SH2D4B: variants seen among roughly 807,000 people sequenced by gnomAD.
SH2D4B encodes the protein SH2 domain containing 4B.
A neutral mutation model predicts 61.5 loss-of-function variants in SH2D4B; 45 were observed. The ratio of observed to expected loss-of-function variants is 0.73; its 90% confidence interval spans 0.58 to 0.94. The LOEUF (loss-of-function observed/expected upper bound fraction) is 0.94, where lower values mean the gene tolerates loss of function less well. Among genes scored for constraint, SH2D4B ranks in the 40% least tolerant of loss-of-function variants. SH2D4B has a pLI of 0.00. For synonymous variants in SH2D4B, 224 were observed against 220.4 expected (o/e 1.02, Z -0.14); for missense variants, 572 against 574.2 (o/e 1.00, Z 0.04).
chr10:80,643,891 G>A (rs1564533715), intron 7 of SH2D4B, 102 bp from the exon 8 acceptor site: 1 of 658,054 alleles, frequency 1.5e-6, no homozygotes, highest in Non-Finnish European at 2.4e-6. Flanking sequence ...GGAGACAAAT[G>A]CATATTCTTA....
intron 1 of SH2D4B, among the ~76,000 whole-genome samples, chr10:80,549,621 C>G (rs1390607713): frequency 6.6e-6 from 1 of 152,240 alleles, no homozygotes; most frequent in Non-Finnish European, 1.5e-5. Context: ...GTCCACCCGG[C>G]GTGCACAGCA....
At chr10:80,637,964 G>A (rs540355298) in intron 7 of SH2D4B, among the ~76,000 whole-genome samples, 24 of 152,172 alleles carry the variant, frequency 1.6e-4, no homozygotes, top group Admixed American at 1.5e-3. Flanking sequence ...TGTTCCATCA[G>A]TACCTAGTTT....
intron 6 of SH2D4B, among the ~76,000 whole-genome samples, chr10:80,614,722 G>T (rs1842640701): frequency 6.6e-6 from 1 of 152,176 alleles, no homozygotes; most frequent in Admixed American, 6.5e-5. Flanking sequence ...TGCTGATATT[G>T]CTCCAGGGCC....
At chr10:80,611,091 C>T (rs555829332) in intron 6 of SH2D4B, among the ~76,000 whole-genome samples, 154 of 138,264 alleles carry the variant, frequency 1.1e-3, no homozygotes, top group Non-Finnish European at 2.1e-3. Flanking sequence ...AGGAGAATTG[C>T]TTGAATCTGG....
chr10:80,583,901 C>T (rs1489235022), intron 3 of SH2D4B, among the ~76,000 whole-genome samples: 2 of 152,078 alleles, frequency 1.3e-5, no homozygotes, highest in Non-Finnish European at 2.9e-5. Flanking sequence ...CAAGAAAATC[C>T]ACACCAAGGC....
chr10:80,592,903 G>A (rs2132133081), intron 4 of SH2D4B, among the ~76,000 whole-genome samples: 1 of 151,456 alleles, frequency 6.6e-6, no homozygotes, highest in African/African-American at 2.4e-5. Context: ...ATTTTTATTA[G>A]AGACAGGGTC....
Position 80,609,113 on chromosome 10 carries a change from T to C in SH2D4B, c.861-311T>C, listed in dbSNP as rs370092737. On this transcript the variant is annotated intron_variant, in intron 5 of 7. Transcript: ENST00000646907. ...CTCCTAGCCTCTTTTCATTCTCACC[T>C]GTGTGGCTGTTTTTTGAAGCAATCG... 9.2e-5 allele frequency among the ~76,000 whole-genome samples: 14 copies of C among 152,324 alleles called. 1 individual carries two copies. Among genetic ancestry groups the C allele is most frequent in the African/African-American group, 2.6e-4 (11 of 41,576 alleles).
chr10:80,640,852 C>T lies in SH2D4B; in HGVS notation c.1210-3141C>T, dbSNP rs1234167215. On this transcript the variant is annotated intron_variant, in intron 7 of 7. Coordinates refer to ENST00000646907, the MANE Select transcript of SH2D4B (RefSeq NM_001388272.1). ...CTGTTGCTGCTGAGGAGCTGCGATC[C>T]TTTAGAGGAGAAGAGGCGCTCTGGT... 2.0e-5 allele frequency among the ~76,000 whole-genome samples: 3 copies of T among 152,312 alleles called. No homozygotes were observed. The East Asian group carries it at 5.8e-4, about 29-fold the overall frequency.
rs950790772 is a variant in SH2D4B at position 80,539,100 on chromosome 10, C to T, written c.184+585C>T. 2.6e-5 allele frequency among the ~76,000 whole-genome samples: 4 copies of T among 152,204 alleles called. No individual in the cohort carries two copies. Among genetic ancestry groups the T allele is most frequent in the Non-Finnish European group, 5.9e-5 (4 of 68,044 alleles). Reference sequence around the variant, plus strand: ...CAATGAATGACCATCCCCAAATGGTCGTAGCAACTGCAGATGAGAAGCAAG... The same window carrying T: ...CAATGAATGACCATCCCCAAATGGTTGTAGCAACTGCAGATGAGAAGCAAG... On this transcript the variant is annotated intron_variant, in intron 1 of 7. Coordinates refer to ENST00000646907, the MANE Select transcript of SH2D4B (RefSeq NM_001388272.1). This position sits in a 1 kb window ranked among gnomAD's most constrained non-coding sequence, Gnocchi z 4.9.
At chr10:80,570,031 T>G in intron 1 of SH2D4B, 123 bp from the exon 2 acceptor site, 1 of 1,231,340 alleles carries the variant, frequency 8.1e-7, no homozygotes, top group Non-Finnish European at 1.1e-6. Context: ...CTCTCTGGCA[T>G]TCTTTTTGTG....
chr10:80,538,351 A>T lies in SH2D4B; in HGVS notation c.20A>T (p.His7Leu), dbSNP rs1841532706. MLQQIL[H>L]DMYIDPELLA... Reference sequence around the variant, plus strand: ...GGCATCATGCTGCAGCAGATCCTGCACGACATGTACATCGACCCCGAGCTC... The same window carrying T: ...GGCATCATGCTGCAGCAGATCCTGCTCGACATGTACATCGACCCCGAGCTC... The change falls in exon 1 of 8, where the codon CAC becomes CTC. Residue 7 changes from histidine (H) to leucine (L), a missense_variant. Coordinates refer to ENST00000646907, the MANE Select transcript of SH2D4B (RefSeq NM_001388272.1). This position sits in a 1 kb window ranked among gnomAD's most constrained non-coding sequence, Gnocchi z 4.8. 7.3e-7 allele frequency: 1 copy of T among 1,370,620 alleles called. No individual in the cohort carries two copies. Among genetic ancestry groups the T allele is most frequent in the East Asian group, 2.9e-5 (1 of 34,422 alleles). 84.9% of individuals were successfully genotyped at this position (1,370,620 alleles called of 1,614,324 possible). A position where few individuals can be genotyped will look rare whatever the true frequency, so the allele number is the denominator to read the frequency against.
chr10:80,580,394 T>C (rs1842174247), intron 3 of SH2D4B, among the ~76,000 whole-genome samples: 1 of 152,124 alleles, frequency 6.6e-6, no homozygotes, highest in Non-Finnish European at 1.5e-5. Context: ...ACATCCTCTG[T>C]AGACTGGCCA....
At chr10:80,625,363 A>G (rs1260093502) in intron 6 of SH2D4B, among the ~76,000 whole-genome samples, 1 of 152,232 alleles carries the variant, frequency 6.6e-6, no homozygotes, top group East Asian at 1.9e-4. Context: ...CAAGATATGC[A>G]GATGCTTAAG....
intron 1 of SH2D4B, among the ~76,000 whole-genome samples, chr10:80,554,437 C>CGT (rs139368172): frequency 0.02 from 3,024 of 149,780 alleles, 60 homozygotes; most frequent in African/African-American, 0.053. Flanking sequence ...ATTGGATGTA[C>CGT]GTGTGTGTGT....
intron 3 of SH2D4B, among the ~76,000 whole-genome samples, chr10:80,580,433 T>C (rs1842174673): frequency 6.6e-6 from 1 of 152,062 alleles, no homozygotes; most frequent in East Asian, 1.9e-4. Flanking sequence ...TGGTCTCTTA[T>C]CAGGAAGGAA....
chr10:80,611,175 C>CAAAAAAAAAAAAAAAAAA, intron 6 of SH2D4B, among the ~76,000 whole-genome samples: 1 of 45,038 alleles, frequency 2.2e-5, no homozygotes, highest in Non-Finnish European at 4.0e-5. Context: ...GACTCAGTCT[C>CAAAAAAAAAAAAAAAAAA]AAAAAAAAAA....
At chr10:80,548,981 T>C (rs1841719197) in intron 1 of SH2D4B, among the ~76,000 whole-genome samples, 1 of 152,208 alleles carries the variant, frequency 6.6e-6, no homozygotes, top group Non-Finnish European at 1.5e-5. Context: ...TCTTGATTCT[T>C]GGGATGCTGA....
Position 80,556,503 on chromosome 10 carries a change from A to G in SH2D4B, c.185-13651A>G, listed in dbSNP as rs569958871. ...AAGCTTTCTGGGAATCTGTAGATCA[A>G]CCTGGGATGAATTGGCACATTAACA... is the stretch of plus-strand genomic sequence containing the variant. On this transcript the variant is annotated intron_variant, in intron 1 of 7. Coordinates refer to ENST00000646907, the MANE Select transcript of SH2D4B (RefSeq NM_001388272.1). Among the ~76,000 whole-genome samples, 8 of 152,330 alleles carry G rather than the reference A, an allele frequency of 5.3e-5. No homozygotes were observed. In the South Asian group the frequency reaches 1.7e-3, roughly 32 times the overall value.
chr10:80,634,205 G>A, intron 6 of SH2D4B, 80 bp from the exon 7 acceptor site: 1 of 1,459,308 alleles, frequency 6.9e-7, no homozygotes, highest in Non-Finnish European at 9.0e-7. Context: ...CAGGGTGAGG[G>A]GCAGGGAGGA....
Sources: allele counts gnomAD v4.1 joint callset (sites outside exome capture counted in the v4.1 genomes callset), GRCh38; gene constraint gnomAD v4.1.1; non-coding constraint Gnocchi (gnomAD v3.1); transcripts MANE v1.5; gene names NCBI Gene and HGNC (gene_info 2026-07-23, HGNC 2026-07-21).